The following NPHP4 variants were observed in gnomAD, a reference collection of about 807,000 sequenced individuals.
NPHP4 encodes nephrocystin-4.
NPHP4 carries 151 observed loss-of-function variants against 155.8 expected under a neutral mutation model. The ratio of observed to expected loss-of-function variants is 0.97; its 90% CI spans 0.85 to 1.11. The LOEUF (loss-of-function observed/expected upper bound fraction) is 1.11. NPHP4 is among the 50% of genes least tolerant of loss of function. The pLI, the probability that NPHP4 is intolerant of heterozygous loss-of-function variation, is 0.00. For missense variants in NPHP4, 1,956 were observed against 1,925.7 expected (o/e 1.02, Z -0.29); for synonymous variants, 845 against 816.8 (o/e 1.03, Z -0.59).
chr1:5,878,974 G>A lies in NPHP4; in HGVS notation c.2611+1140C>T, dbSNP rs111226762. ...TGGCCAAGTCACCTGACCTCTCTTC[G>A]TCTCAGTTTCTTCAAAATTACAATG... On this transcript the variant is annotated intron_variant, in intron 19 of 29. Transcript: ENST00000378156. Among the ~76,000 whole-genome samples, 494 of 152,308 alleles carry A rather than the reference G, an allele frequency of 3.2e-3. 3 individuals are homozygous for A. Among genetic ancestry groups the A allele is most frequent in the African/African-American group, 0.011 (464 of 41,562 alleles).
chr1:5,987,726 G>A (rs1413149951), intron 1 of NPHP4, among the ~76,000 whole-genome samples: 8 of 152,154 alleles, frequency 5.3e-5, no homozygotes, highest in Non-Finnish European at 2.9e-5. Flanking sequence ...TCATCCCCGG[G>A]GAAGCCTGGC....
At chr1:5,877,367 C>G in intron 19 of NPHP4, 69 bp from the exon 20 acceptor site, 2 of 1,345,042 alleles carry the variant, frequency 1.5e-6, no homozygotes. Flanking sequence ...GACACCAGGG[C>G]AGGCCTCCCA....
chr1:5,959,760 C>T (rs1246776498), intron 6 of NPHP4, among the ~76,000 whole-genome samples: 2 of 151,994 alleles, frequency 1.3e-5, no homozygotes, highest in Non-Finnish European at 2.9e-5. Context: ...GTCCCAAGAT[C>T]AGTATCCACC....
intron 9 of NPHP4, 93 bp downstream of exon 9, chr1:5,947,011 T>C: frequency 7.4e-7 from 1 of 1,345,054 alleles, no homozygotes; most frequent in Non-Finnish European, 1.1e-6. Context: ...TCATGCCTGT[T>C]TTTAATGGAA....
chr1:5,866,893 C>T, intron 25 of NPHP4, 137 bp downstream of exon 25: 1 of 695,876 alleles, frequency 1.4e-6, no homozygotes, highest in South Asian at 1.6e-5. Context: ...CAAAATAGCC[C>T]TTTAGTACCT....
intron 11 of NPHP4, among the ~76,000 whole-genome samples, chr1:5,921,605 T>C (rs796685453): frequency 2.0e-5 from 3 of 152,374 alleles, no homozygotes; most frequent in African/African-American, 7.2e-5. Flanking sequence ...TTATGGTTAT[T>C]GGTTATTCTG....
At position 5,933,193 on chromosome 1, in the gene NPHP4, T is replaced by G. The variant is rs1207346476; in HGVS notation, c.1256A>C (p.His419Pro). ...LQGGIQPNPS[H>P]CLVYKVPSAS... ...TGAGGGTACCTTGTAGACCAGACAG[T>G]GCGAGGGGTTGGGCTGGATCCCACC... is the stretch of plus-strand genomic sequence containing the variant. The change falls in exon 10 of 30, where the codon CAC becomes CCC. Residue 419 changes from histidine to proline, a missense_variant. Coordinates refer to ENST00000378156, the MANE Select transcript of NPHP4 (RefSeq NM_015102.5). The G allele has an allele frequency of 1.1e-5, 17 of 1,613,596 alleles. No individual in the cohort carries two copies. The highest frequency in any genetic ancestry group is 2.7e-5 in the African/African-American group (2 of 74,922).
chr1:5,907,271 G>A (rs535404855), intron 12 of NPHP4, 49 bp from the exon 13 acceptor site: 108 of 1,260,848 alleles, frequency 8.6e-5, no homozygotes, highest in Middle Eastern at 1.9e-4. Context: ...TTGCCAGTCC[G>A]TCCACAAAGC....
intron 23 of NPHP4, among the ~76,000 whole-genome samples, chr1:5,869,020 CATGCACACACAT>C (rs1641665881): frequency 7.5e-6 from 1 of 133,704 alleles, no homozygotes; most frequent in Admixed American, 7.4e-5. Context: ...TACACACACA[CATGCACACACAT>C]ACATGCACAC....
At chr1:5,896,107 T>C (rs1644384034) in intron 16 of NPHP4, among the ~76,000 whole-genome samples, 1 of 152,204 alleles carries the variant, frequency 6.6e-6, no homozygotes, top group Non-Finnish European at 1.5e-5. Flanking sequence ...TGCTTATTTT[T>C]GAAAAAACAA....
chr1:5,947,883 A>G (rs536326012), intron 8 of NPHP4, among the ~76,000 whole-genome samples, 187 bp downstream of exon 8: 15 of 148,938 alleles, frequency 1.0e-4, no homozygotes, highest in South Asian at 2.1e-4. Flanking sequence ...GGAAAAAAAA[A>G]GGGGGGGGCT....
At chr1:5,911,770 C>T (rs1446855854) in intron 11 of NPHP4, among the ~76,000 whole-genome samples, 1 of 152,156 alleles carries the variant, frequency 6.6e-6, no homozygotes, top group Non-Finnish European at 1.5e-5. Context: ...ACCAAGGCCA[C>T]GAAATAACTC....
chr1:5,909,108 T>C, intron 12 of NPHP4, 44 bp downstream of exon 12: 2 of 1,468,496 alleles, frequency 1.4e-6, no homozygotes, highest in Non-Finnish European at 1.9e-6. Flanking sequence ...TGCAAGTAAT[T>C]GACTCTGGAA....
chr1:5,875,559 G>A (rs1428697341), intron 20 of NPHP4, among the ~76,000 whole-genome samples: 4 of 152,202 alleles, frequency 2.6e-5, no homozygotes, highest in Non-Finnish European at 4.4e-5. Flanking sequence ...CGGTCACACC[G>A]GGTCAGAGTC....
intron 6 of NPHP4, 65 bp from the exon 7 acceptor site, chr1:5,952,901 G>A (rs1648450206): frequency 6.8e-7 from 1 of 1,480,924 alleles, no homozygotes; most frequent in Non-Finnish European, 9.1e-7. Flanking sequence ...CAGCCACCGA[G>A]GGTCCCTACC....
At position 5,967,403 on chromosome 1, in the gene NPHP4, C is replaced by A. The variant is rs772535185; in HGVS notation, c.453-40G>T. 6 of 1,524,058 alleles carry A rather than the reference C, an allele frequency of 3.9e-6. No homozygotes were observed. In the East Asian group the frequency reaches 1.2e-4, roughly 30 times the overall value. The allele number at this position is 1,524,058 out of a possible 1,614,324, so 94.4% of individuals were successfully genotyped here. A position where few individuals can be genotyped will look rare whatever the true frequency, so the allele number is the denominator to read the frequency against. ...CCAGAGAACAGTCGTCAGCCACGTG[C>A]GCACTTCTCAGAAGGAAAGCACATG... On this transcript the variant is annotated intron_variant, in intron 4 of 29. Transcript: ENST00000378156.
rs557659970 is a variant in NPHP4 at position 5,946,488 on chromosome 1, C to T, written c.1119+616G>A. Reference sequence around the variant, plus strand: ...TAGCGATTCAATAATCATGAATTAACGCTATTATGATACATGAAACTTACT... The same window carrying T: ...TAGCGATTCAATAATCATGAATTAATGCTATTATGATACATGAAACTTACT... On this transcript the variant is annotated intron_variant, in intron 9 of 29. Transcript: ENST00000378156. Among the ~76,000 whole-genome samples, 10 of 152,238 alleles carry T rather than the reference C, an allele frequency of 6.6e-5. No individual in the cohort carries two copies. In the South Asian group the frequency reaches 1.0e-3, roughly 16 times the overall value.
Position 5,877,177 on chromosome 1 carries a change from G to A in NPHP4, c.2733C>T (p.Thr911=). 1 of 1,605,420 alleles carries A rather than the reference G, an allele frequency of 6.2e-7. No homozygotes were observed. The highest frequency in any genetic ancestry group is 8.5e-7 in the Non-Finnish European group (1 of 1,175,304). ...TCATCCGCTCCAGCTTACGCCTGCG[G>A]GTGGCATCCGACTCGCGGCTGACGT... is the stretch of plus-strand genomic sequence containing the variant. ...PQDVSRESDA[T]RRRKLERMRS... Residue 911 remains threonine (T), a synonymous_variant, in exon 20 of 30, where the codon ACC becomes ACT. Transcript: ENST00000378156.
Position 5,875,102 on chromosome 1 carries a change from T to A in NPHP4, c.2818-2A>T, listed in dbSNP as rs1287637. 270,879 of 1,593,470 alleles carry A rather than the reference T, an allele frequency of 0.17. 23,961 individuals carry two copies. The highest frequency in any genetic ancestry group is 0.23 in the Middle Eastern group (1,367 of 5,946). Reference sequence around the variant, plus strand: ...CTGTGTGCGGACGCTCTGCTGCGCCTGCAGACAAGAGGACATGGGTGGACA... The same window carrying A: ...CTGTGTGCGGACGCTCTGCTGCGCCAGCAGACAAGAGGACATGGGTGGACA... On this transcript the variant is annotated splice_acceptor_variant, in intron 20 of 29. Coordinates refer to ENST00000378156, the MANE Select transcript of NPHP4 (RefSeq NM_015102.5). LOFTEE classifies it high-confidence loss of function.
Sources: allele counts gnomAD v4.1 joint callset (sites outside exome capture counted in the v4.1 genomes callset), GRCh38; gene constraint gnomAD v4.1.1; transcripts MANE v1.5; gene names NCBI Gene and HGNC (gene_info 2026-07-23, HGNC 2026-07-21).